The following MTMR9 variants were observed in gnomAD, a reference collection of about 807,000 sequenced individuals.
MTMR9 encodes the protein myotubularin-related protein 9.
A neutral mutation model predicts 69.5 loss-of-function variants in MTMR9; 39 were observed. The ratio of observed to expected loss-of-function variants is 0.56; its 90% CI spans 0.43 to 0.73. The LOEUF is 0.73. Ranked by LOEUF, MTMR9 falls within the 30% of genes least tolerant of loss-of-function variation. The pLI, the probability that MTMR9 is intolerant of heterozygous loss-of-function variation, is 0.00. For missense variants in MTMR9, 900 were observed against 671.2 expected, an observed-to-expected ratio of 1.34 and a Z score of -3.77; for synonymous variants, 354 against 240.8, an observed-to-expected ratio of 1.47 and a Z score of -4.35.
intron 2 of MTMR9, among the ~76,000 whole-genome samples, chr8:11,298,479 G>T (rs1421016265): frequency 6.6e-6 from 1 of 152,082 alleles, no homozygotes; most frequent in Non-Finnish European, 1.5e-5. Flanking sequence ...ATGATTTATA[G>T]ATGGATAGAA....
intron 1 of MTMR9, among the ~76,000 whole-genome samples, chr8:11,285,796 C>T (rs1053679370): frequency 6.6e-6 from 1 of 152,144 alleles, no homozygotes; most frequent in African/African-American, 2.4e-5. Flanking sequence ...AGTGGCTACT[C>T]GCTAGCCAGG....
At chr8:11,332,324 C>T (rs927643137), downstream of MTMR9, 12 of 951,170 alleles carry the variant, frequency 1.3e-5, no homozygotes, top group East Asian at 3.5e-4. Flanking sequence ...AATGAGAAAT[C>T]TGGCTTATTT....
intron 1 of MTMR9, among the ~76,000 whole-genome samples, chr8:11,286,492 C>G (rs570997002): frequency 6.6e-6 from 1 of 151,414 alleles, no homozygotes; most frequent in African/African-American, 2.4e-5. Context: ...TGATGAAAGC[C>G]CGTCTCTACT....
rs773793119 is a variant in MTMR9 at position 11,309,756 on chromosome 8, C to T, written c.971+68C>T. On this transcript the variant is annotated intron_variant, in intron 6 of 9. Transcript: ENST00000221086. ...TAACTAGACTTTGTGTTTATCCAGACATATGTTTATAGATTATGTGAAAGT... is the reference window on the plus strand; with the variant it reads ...TAACTAGACTTTGTGTTTATCCAGATATATGTTTATAGATTATGTGAAAGT... The T allele has an allele frequency of 7.5e-5, 115 of 1,537,246 alleles. 2 individuals are homozygous for T. In the Middle Eastern group the frequency reaches 2.6e-3, roughly 35 times the overall value.
intron 2 of MTMR9, among the ~76,000 whole-genome samples, chr8:11,298,301 G>A (rs1799626927): frequency 6.6e-6 from 1 of 152,084 alleles, no homozygotes. Context: ...CGGCAGCCCT[G>A]AGTTAGGTCA....
In MTMR9 at chr8:11,285,023, G is replaced by A; in HGVS notation, c.135G>A (p.Thr45=). 6.2e-7 allele frequency: 1 copy of A among 1,612,680 alleles called. No individual in the cohort carries two copies. Among genetic ancestry groups the A allele is most frequent in the Non-Finnish European group, 8.5e-7 (1 of 1,179,458 alleles). The change falls in exon 1 of 10, where the codon ACG becomes ACA. Residue 45 remains threonine (T), a synonymous_variant. Coordinates refer to ENST00000221086, the MANE Select transcript of MTMR9 (RefSeq NM_015458.4). Reference sequence around the variant, plus strand: ...TCCTGTCCTCCCGGCAGGACAATACGGAGGAGCTGTGGCTCCTCCATTCAA... The same window carrying A: ...TCCTGTCCTCCCGGCAGGACAATACAGAGGAGCTGTGGCTCCTCCATTCAA... ...HLILSSRQDN[T]EELWLLHSNI...
downstream of MTMR9, chr8:11,330,772 A>G (rs1478501077): frequency 2.4e-6 from 1 of 422,548 alleles, no homozygotes; most frequent in African/African-American, 2.0e-5. Flanking sequence ...CAGGGACACA[A>G]ACACTGCGGA....
chr8:11,306,266 C>T lies in MTMR9; in HGVS notation c.668C>T (p.Ala223Val). 6.2e-7 allele frequency: 1 copy of T among 1,614,016 alleles called. No individual in the cohort carries two copies. Among genetic ancestry groups the T allele is most frequent in the Non-Finnish European group, 8.5e-7 (1 of 1,179,954 alleles). The change falls in exon 5 of 10, where the codon GCT (alanine) becomes GTT (valine). Residue 223 changes from alanine (A) to valine (V), a missense_variant. Physicochemically the swap from Ala to Val is moderately conservative, Grantham distance 64. Coordinates refer to ENST00000221086, the MANE Select transcript of MTMR9 (RefSeq NM_015458.4). ...RCKEDEKLIN[A>V]TLRAGKRGYI... ...AAGGAGGACGAGAAGCTGATAAATG[C>T]TACCCTCAGGGCTGGAAAGCGTGGC...
At chr8:11,297,820 A>T (rs1799613286) in intron 2 of MTMR9, 1 of 455,228 alleles carries the variant, frequency 2.2e-6, no homozygotes, top group Non-Finnish European at 4.4e-6. Context: ...TTGACCTCAG[A>T]AAATGAATGC....
chr8:11,338,230 T>C, the MTMR9 span, among the ~76,000 whole-genome samples: 1 of 152,224 alleles, frequency 6.6e-6, no homozygotes, highest in Non-Finnish European at 1.5e-5. Context: ...TATTGAAGAA[T>C]GAGTCAAAAG....
chr8:11,338,295 G>T, the MTMR9 span, among the ~76,000 whole-genome samples: 58 of 152,204 alleles, frequency 3.8e-4, no homozygotes, highest in Non-Finnish European at 5.7e-4. Context: ...AGCTTCTGTT[G>T]TTCTCCGGAG....
At chr8:11,314,125 A>G (rs543651632) in intron 6 of MTMR9, among the ~76,000 whole-genome samples, 2 of 152,360 alleles carry the variant, frequency 1.3e-5, no homozygotes, top group Middle Eastern at 3.4e-3. Context: ...TATGTAGTGT[A>G]TATGTACATG....
chr8:11,292,766 G>A (rs1442227399), intron 1 of MTMR9, among the ~76,000 whole-genome samples: 4 of 152,094 alleles, frequency 2.6e-5, no homozygotes, highest in Admixed American at 2.6e-4. Flanking sequence ...ATATATGATG[G>A]TAGTCCCATA....
chr8:11,284,840 C>G lies in MTMR9; in HGVS notation c.-49C>G. On this transcript the variant is annotated 5_prime_UTR_variant, in exon 1 of 10. Coordinates refer to ENST00000221086, the MANE Select transcript of MTMR9 (RefSeq NM_015458.4). ...CGCTACTTCCCTGCGGCGGGGTAACCGCCTCGCACCTACCGGGCTCGGTTC... is the reference window on the plus strand; with the variant it reads ...CGCTACTTCCCTGCGGCGGGGTAACGGCCTCGCACCTACCGGGCTCGGTTC... The G allele has an allele frequency of 6.7e-7, 1 of 1,497,612 alleles. No homozygotes were observed. Among genetic ancestry groups the G allele is most frequent in the Non-Finnish European group, 9.0e-7 (1 of 1,113,482 alleles). The allele number at this position is 1,497,612 out of a possible 1,614,324, so 92.8% of individuals were successfully genotyped here.
Position 11,306,780 on chromosome 8 carries a change from A to T in MTMR9, c.809+373A>T, listed in dbSNP as rs1799955538. On this transcript the variant is annotated intron_variant, in intron 5 of 9. Transcript: ENST00000221086. ...TTTAACTACAGTTACCATGCTGTACAATAGACCTACAGAACTAATTCCTCC... is the reference window on the plus strand; with the variant it reads ...TTTAACTACAGTTACCATGCTGTACTATAGACCTACAGAACTAATTCCTCC... Among the ~76,000 whole-genome samples, 8 of 152,208 alleles carry T rather than the reference A, an allele frequency of 5.3e-5. No homozygotes were observed. In the South Asian group the frequency reaches 1.4e-3, roughly 28 times the overall value.
intron 8 of MTMR9, 77 bp downstream of exon 8, chr8:11,316,970 G>T (rs1217080268): frequency 2.2e-6 from 2 of 917,752 alleles, no homozygotes; most frequent in South Asian, 1.8e-5. Context: ...AATCTCCTAG[G>T]AGACGACGAT....
intron 9 of MTMR9, chr8:11,321,292 T>C: frequency 5.2e-6 from 2 of 386,350 alleles, no homozygotes; most frequent in Admixed American, 2.9e-5. Flanking sequence ...TTGCTTACTT[T>C]CGTGATTGTC....
At chr8:11,334,755 A>G in the MTMR9 span, among the ~76,000 whole-genome samples, 1 of 152,354 alleles carries the variant, frequency 6.6e-6, no homozygotes, top group East Asian at 1.9e-4. Flanking sequence ...TGCAAGGCTG[A>G]TTTAAATGTT....
intron 9 of MTMR9, chr8:11,320,839 A>G (rs1371228204): frequency 1.3e-5 from 2 of 152,276 alleles, no homozygotes; most frequent in Non-Finnish European, 2.9e-5. Context: ...TATTTTGAAG[A>G]TAATAAGCAC....
Sources: allele counts gnomAD v4.1 joint callset (sites outside exome capture counted in the v4.1 genomes callset), GRCh38; gene constraint gnomAD v4.1.1; transcripts MANE v1.5; gene names NCBI Gene and HGNC (gene_info 2026-07-23, HGNC 2026-07-21).